The following ULK4 variants were observed in gnomAD, a reference collection of about 807,000 sequenced individuals.
ULK4 encodes unc-51 like kinase 4.
In ULK4, 133 loss-of-function variants were observed where a neutral mutation model predicts 160.6. The observed-to-expected ratio is 0.83, with a 90% CI of 0.72 to 0.96. The LOEUF is 0.96. Among genes scored for constraint, ULK4 ranks in the 40% least tolerant of loss-of-function variants. The pLI is 0.00. For missense variants in ULK4, 1,580 were observed against 1,499.5 expected (o/e 1.05, Z -0.89); for synonymous variants, 534 against 539.8 (o/e 0.99, Z 0.15).
At chr3:41,802,338 C>T (rs565447973) in intron 19 of ULK4, among the ~76,000 whole-genome samples, 1 of 152,300 alleles carries the variant, frequency 6.6e-6, no homozygotes, top group South Asian at 2.1e-4. Context: ...CACTCTGTCA[C>T]CCAGACTGAA....
intron 32 of ULK4, among the ~76,000 whole-genome samples, chr3:41,557,408 GAATT>G (rs1471712959): frequency 2.6e-5 from 4 of 151,922 alleles, no homozygotes; most frequent in Admixed American, 6.5e-5. Flanking sequence ...TATAAAAAAA[GAATT>G]AATATATGTA....
chr3:41,386,863 T>A (rs956507805), intron 35 of ULK4, among the ~76,000 whole-genome samples: 27 of 152,156 alleles, frequency 1.8e-4, no homozygotes, highest in Admixed American at 1.8e-3. Context: ...TCCTGTGACA[T>A]GTGATCTTGT....
intron 35 of ULK4, among the ~76,000 whole-genome samples, chr3:41,318,893 C>G (rs576552775): frequency 2.6e-5 from 4 of 152,118 alleles, no homozygotes; most frequent in Non-Finnish European, 5.9e-5. Flanking sequence ...GATGACAGAT[C>G]CATCCAGAAA....
rs1699052359 is a variant in ULK4 at position 41,918,526 on chromosome 3, A to G, written c.658T>C (p.Phe220Leu). Residue 220 changes from phenylalanine to leucine, a missense_variant, in exon 7 of 37, where the codon TTC becomes CTC. Phe to Leu is a conservative substitution (Grantham distance 22, BLOSUM62 0). Coordinates refer to ENST00000301831, the MANE Select transcript of ULK4 (RefSeq NM_017886.4). ...GTTAATTCTGAAATACTTTCTGAGAAGAATGGAGGTTTTCCTGAAATCACA... is the reference window on the plus strand; with the variant it reads ...GTTAATTCTGAAATACTTTCTGAGAGGAATGGAGGTTTTCCTGAAATCACA... ...YEMFSGKPPFFSESISELTEK... is the reference protein window; with the variant it reads ...YEMFSGKPPFLSESISELTEK... The G allele has an allele frequency of 2.5e-6, 4 of 1,575,738 alleles. No individual in the cohort carries two copies. In the South Asian group the frequency reaches 4.9e-5, roughly 19 times the overall value.
intron 35 of ULK4, among the ~76,000 whole-genome samples, chr3:41,345,049 G>C (rs2080771826): frequency 6.6e-6 from 1 of 152,172 alleles, no homozygotes; most frequent in African/African-American, 2.4e-5. Flanking sequence ...CTGATCATTA[G>C]AGAAATGCAA....
At chr3:41,632,432 A>G (rs2033788954) in intron 30 of ULK4, among the ~76,000 whole-genome samples, 2 of 152,338 alleles carry the variant, frequency 1.3e-5, no homozygotes, top group South Asian at 4.1e-4. Context: ...TCTACCTGAA[A>G]TCAAGCTAAG....
At chr3:41,887,421 T>C (rs1008379795) in intron 16 of ULK4, among the ~76,000 whole-genome samples, 2 of 152,236 alleles carry the variant, frequency 1.3e-5, no homozygotes, top group African/African-American at 4.8e-5. Flanking sequence ...ATTGGAATTA[T>C]TAGAATTCCC....
intron 3 of ULK4, 170 bp downstream of exon 3, chr3:41,937,928 T>C (rs1699831456): frequency 2.3e-6 from 1 of 427,142 alleles, no homozygotes; most frequent in Admixed American, 4.1e-5. Context: ...GAATTGAATT[T>C]ACATAATTCT....
chr3:41,264,311 C>T (rs1575369491), intron 35 of ULK4, among the ~76,000 whole-genome samples: 6 of 152,352 alleles, frequency 3.9e-5, no homozygotes, highest in Admixed American at 3.9e-4. Flanking sequence ...CAGGAACTCA[C>T]ATGCCAGCGC....
At chr3:41,549,716 A>G (rs902358924) in intron 32 of ULK4, among the ~76,000 whole-genome samples, 1 of 152,096 alleles carries the variant, frequency 6.6e-6, no homozygotes, top group African/African-American at 2.4e-5. Flanking sequence ...GATACAACCC[A>G]AAAAGGTCTT....
At chr3:41,281,646 T>C (rs1308634727) in intron 35 of ULK4, among the ~76,000 whole-genome samples, 1 of 152,216 alleles carries the variant, frequency 6.6e-6, no homozygotes, top group Non-Finnish European at 1.5e-5. Context: ...TGATGGAATG[T>C]ATCTCAAAAT....
rs577916158 is a variant in ULK4, at chr3:41,774,979, A to G, written c.2193+14682T>C. Among the ~76,000 whole-genome samples, 103 of 149,836 alleles carry G rather than the reference A, an allele frequency of 6.9e-4. 2 individuals carry two copies. In the South Asian group the frequency reaches 0.02, roughly 29 times the overall value. On this transcript the variant is annotated intron_variant, in intron 21 of 36. Transcript: ENST00000301831. ...CAGTAAACTATTGCAAGGACAAAAA[A>G]CCAAACACCGCATGTTCTCACTCAT...
chr3:41,610,717 T>C (rs2032634778), intron 31 of ULK4, among the ~76,000 whole-genome samples: 1 of 152,224 alleles, frequency 6.6e-6, no homozygotes, highest in Non-Finnish European at 1.5e-5. Context: ...ACTAGTGTAT[T>C]GCTAATCCAA....
intron 5 of ULK4, among the ~76,000 whole-genome samples, chr3:41,931,140 A>G (rs1266802538): frequency 6.6e-6 from 1 of 152,226 alleles, no homozygotes; most frequent in East Asian, 1.9e-4. Flanking sequence ...ACCACAGAAT[A>G]CTATGCAGCC....
chr3:41,303,836 C>T (rs1347162113), intron 35 of ULK4, among the ~76,000 whole-genome samples: 9 of 151,722 alleles, frequency 5.9e-5, no homozygotes, highest in Non-Finnish European at 1.0e-4. Context: ...AATTTGGGGG[C>T]TGTATGGGCA....
intron 34 of ULK4, among the ~76,000 whole-genome samples, chr3:41,422,622 T>C (rs114982441): frequency 2.9e-4 from 44 of 152,082 alleles, no homozygotes; most frequent in Non-Finnish European, 5.9e-4. Context: ...GCAGTCCAAA[T>C]TGAAAGTTTG....
intron 21 of ULK4, among the ~76,000 whole-genome samples, chr3:41,789,162 T>C (rs2040079195): frequency 6.6e-6 from 1 of 152,142 alleles, no homozygotes; most frequent in Non-Finnish European, 1.5e-5. Flanking sequence ...AATTTAGTAC[T>C]TACAAACTCT....
intron 27 of ULK4, among the ~76,000 whole-genome samples, chr3:41,694,663 A>G (rs981876356): frequency 6.6e-6 from 1 of 152,242 alleles, no homozygotes; most frequent in African/African-American, 2.4e-5. Context: ...GTATTTGCAT[A>G]TAAACTACAC....
chr3:41,275,638 G>A (rs1436871936), intron 35 of ULK4, among the ~76,000 whole-genome samples: 1 of 152,216 alleles, frequency 6.6e-6, no homozygotes. Context: ...GAAAAAATCA[G>A]TAATGGCATT....
Sources: allele counts gnomAD v4.1 joint callset (sites outside exome capture counted in the v4.1 genomes callset), GRCh38; gene constraint gnomAD v4.1.1; transcripts MANE v1.5; gene names NCBI Gene and HGNC (gene_info 2026-07-23, HGNC 2026-07-21).